The following ELOVL2 variants were observed in gnomAD, a reference collection of about 807,000 sequenced individuals.
ELOVL2 encodes the protein ELOVL fatty acid elongase 2, also known as very long chain fatty acid elongase 2.
In ELOVL2, 38 loss-of-function variants were observed where a neutral mutation model predicts 37.7. The observed-to-expected ratio is 1.01, with a 90% CI of 0.78 to 1.32. The LOEUF is 1.32. Ranked by LOEUF, ELOVL2 falls within the 40% of genes most tolerant of loss-of-function variation. ELOVL2 has a pLI of 0.00. For missense variants in ELOVL2, 352 were observed against 363.6 expected (o/e 0.97, Z 0.26); for synonymous variants, 115 against 122.3 (o/e 0.94, Z 0.40).
chr6:10,983,633 G>T lies in ELOVL2; in HGVS notation c.*148C>A. 1 of 863,408 alleles carries T rather than the reference G, an allele frequency of 1.2e-6. No individual in the cohort carries two copies. Among genetic ancestry groups the T allele is most frequent in the Non-Finnish European group, 1.7e-6 (1 of 587,516 alleles). The allele number at this position is 863,408 out of a possible 1,614,324, so 53.5% of individuals were successfully genotyped here. On this transcript the variant is annotated 3_prime_UTR_variant, in exon 8 of 8. Transcript: ENST00000354666. ...ATTCAGTTAACAGATTAACCTAATA[G>T]CAATATATTAATACATTCTGGGTAC... is the stretch of plus-strand genomic sequence containing the variant.
chr6:11,033,294 C>A (rs1782960445), intron 1 of ELOVL2, among the ~76,000 whole-genome samples: 1 of 152,170 alleles, frequency 6.6e-6, no homozygotes, highest in African/African-American at 2.4e-5. Context: ...TATATGCATT[C>A]TTTTCCTCAT....
intron 7 of ELOVL2, among the ~76,000 whole-genome samples, chr6:10,985,208 GGTT>G (rs919227995): frequency 4.7e-4 from 72 of 151,724 alleles, no homozygotes; most frequent in Admixed American, 1.0e-3. Context: ...TTTTTGATGG[GGTT>G]GTTTTTTTCT....
chr6:10,990,274 TCCATAA>T (rs763020685), intron 6 of ELOVL2, 38 bp downstream of exon 6: 180 of 1,595,556 alleles, frequency 1.1e-4, no homozygotes, highest in Non-Finnish European at 1.5e-4. Flanking sequence ...CCTTTCCCCA[TCCATAA>T]GCCACATGGA....
intron 1 of ELOVL2, among the ~76,000 whole-genome samples, chr6:11,037,261 G>A (rs936633289): frequency 2.6e-5 from 4 of 151,702 alleles, no homozygotes; most frequent in African/African-American, 9.7e-5. Flanking sequence ...AGAGAGAGAC[G>A]GCATGAGTTA....
At chr6:11,012,342 G>A (rs1782599206) in intron 1 of ELOVL2, among the ~76,000 whole-genome samples, 1 of 152,080 alleles carries the variant, frequency 6.6e-6, no homozygotes, top group African/African-American at 2.4e-5. Flanking sequence ...GGCATCTCGG[G>A]AGGCCCCCGA....
At chr6:11,017,165 C>T (rs1486444215) in intron 1 of ELOVL2, among the ~76,000 whole-genome samples, 2 of 152,064 alleles carry the variant, frequency 1.3e-5, no homozygotes, top group Non-Finnish European at 2.9e-5. Flanking sequence ...ATAAGCTAAC[C>T]CTCATGGGGA....
At chr6:11,038,495 A>G (rs1478117624) in intron 1 of ELOVL2, among the ~76,000 whole-genome samples, 1 of 152,002 alleles carries the variant, frequency 6.6e-6, no homozygotes, top group African/African-American at 2.4e-5. Flanking sequence ...TAAATAAATA[A>G]ATAAATAAAA....
At position 10,980,989 on chromosome 6, in the gene ELOVL2, A is replaced by T. The variant is rs1013521931; in HGVS notation, c.*2792T>A. On this transcript the variant is annotated 3_prime_UTR_variant, in exon 8 of 8. Transcript: ENST00000354666. The stretch of plus-strand genomic sequence containing the variant: ...TTGGAAAGAACTCAAATGGACTCCT[A>T]GATACAAAAGGCTGTTCTGCCCATC... 6.6e-6 allele frequency: 1 copy of T among 152,554 alleles called. No homozygotes were observed. Among genetic ancestry groups the T allele is most frequent in the South Asian group, 2.1e-4 (1 of 4,826 alleles). The allele number at this position is 152,554 out of a possible 1,614,324, so 9.5% of individuals were successfully genotyped here.
At position 11,034,366 on chromosome 6, in the gene ELOVL2, G is replaced by A. The variant is rs368594134; in HGVS notation, c.3+9862C>T. 5.9e-5 allele frequency among the ~76,000 whole-genome samples: 9 copies of A among 152,104 alleles called. No individual in the cohort carries two copies. The East Asian group carries it at 1.7e-3, about 29-fold the overall frequency. On this transcript the variant is annotated intron_variant, in intron 1 of 7. Coordinates refer to ENST00000354666, the MANE Select transcript of ELOVL2 (RefSeq NM_017770.4). ...CTAGCATAAATCCCATTATCCTGTT[G>A]GTCCACAAACTTCACACATTTAAAA...
chr6:11,006,285 G>A (rs546959205), intron 2 of ELOVL2, among the ~76,000 whole-genome samples: 5 of 152,288 alleles, frequency 3.3e-5, no homozygotes, highest in Admixed American at 2.6e-4. Flanking sequence ...ACAGCAGGGA[G>A]GCAAGCAGCT....
intron 2 of ELOVL2, among the ~76,000 whole-genome samples, chr6:11,008,563 T>TGGGTCCTGCATGCCTAAGGGAGGGGTCCC (rs1475374981): frequency 5.3e-5 from 8 of 151,146 alleles, no homozygotes; most frequent in Admixed American, 2.6e-4. Context: ...GAGGGGGCTC[T>TGGGTCCTGCATGCCTAAGGGAGGGGTCCC]GGGTCCTGCA....
chr6:11,004,236 A>G (rs1280207935), intron 3 of ELOVL2, among the ~76,000 whole-genome samples: 1 of 152,190 alleles, frequency 6.6e-6, no homozygotes, highest in African/African-American at 2.4e-5. Context: ...AGAATAATGC[A>G]TAGAATAAAC....
At chr6:11,006,833 A>G (rs923465479) in intron 2 of ELOVL2, among the ~76,000 whole-genome samples, 2 of 152,170 alleles carry the variant, frequency 1.3e-5, no homozygotes, top group African/African-American at 4.8e-5. Flanking sequence ...GTCACTTCCT[A>G]ATGTCCATCT....
intron 7 of ELOVL2, among the ~76,000 whole-genome samples, chr6:10,987,704 T>C (rs1405054089): frequency 1.3e-5 from 2 of 152,174 alleles, no homozygotes; most frequent in Admixed American, 1.3e-4. Flanking sequence ...GATTTGTATA[T>C]TGTGGGGCTG....
chr6:10,998,189 C>G (rs1316396945), intron 4 of ELOVL2, among the ~76,000 whole-genome samples: 1 of 152,148 alleles, frequency 6.6e-6, no homozygotes, highest in Non-Finnish European at 1.5e-5. Flanking sequence ...GATACCAGCA[C>G]CATGCTTTCT....
At position 11,028,817 on chromosome 6, in the gene ELOVL2, C is replaced by T. The variant is rs190217820; in HGVS notation, c.3+15411G>A. Among the ~76,000 whole-genome samples, 378 of 152,080 alleles carry T rather than the reference C, an allele frequency of 2.5e-3. 1 individual carries two copies. Among genetic ancestry groups the T allele is most frequent in the Non-Finnish European group, 3.4e-3 (229 of 67,982 alleles). On this transcript the variant is annotated intron_variant, in intron 1 of 7. Coordinates refer to ENST00000354666, the MANE Select transcript of ELOVL2 (RefSeq NM_017770.4). The stretch of plus-strand genomic sequence containing the variant: ...ACTTCATTTAGTTCTCGAAACTACT[C>T]TATAAGGCAGGTATGTTCATCCCCC...
At chr6:11,038,598 T>C (rs150698250) in intron 1 of ELOVL2, among the ~76,000 whole-genome samples, 4 of 152,334 alleles carry the variant, frequency 2.6e-5, no homozygotes, top group Middle Eastern at 3.4e-3. Flanking sequence ...CTTAATGCTA[T>C]AAGTATAGAT....
At chr6:11,023,927 G>C (rs2113545312) in intron 1 of ELOVL2, among the ~76,000 whole-genome samples, 1 of 152,316 alleles carries the variant, frequency 6.6e-6, no homozygotes, top group East Asian at 1.9e-4. Flanking sequence ...ATGATGGTTA[G>C]AGTATTACAA....
At chr6:11,022,142 T>C (rs1782773319) in intron 1 of ELOVL2, among the ~76,000 whole-genome samples, 1 of 152,148 alleles carries the variant, frequency 6.6e-6, no homozygotes, top group Non-Finnish European at 1.5e-5. Flanking sequence ...GCTTGTGATC[T>C]CTCTACCAGA....
Sources: gnomAD v4.1 joint callset for allele counts (sites outside exome capture counted in the v4.1 genomes callset) on GRCh38, gnomAD v4.1.1 for gene constraint, MANE v1.5 for transcripts, NCBI Gene and HGNC (gene_info 2026-07-23, HGNC 2026-07-21) for gene names.